The following LRRC34 variants were observed in gnomAD, a reference collection of about 807,000 sequenced individuals.
The protein encoded by LRRC34 is leucine-rich repeat-containing protein 34.
Under a neutral mutation model 48.5 loss-of-function variants are expected in LRRC34, and 44 were observed. The observed-to-expected ratio is 0.91, with a 90% CI of 0.71 to 1.17. The LOEUF (loss-of-function observed/expected upper bound fraction) is 1.17, where lower values mean the gene tolerates loss of function less well. Among genes scored for constraint, LRRC34 ranks in the 50% most tolerant of loss-of-function variants. LRRC34 has a pLI of 0.00. For missense variants in LRRC34, 502 were observed against 563.0 expected, an observed-to-expected ratio of 0.89 and a Z score of 1.10; for synonymous variants, 192 against 197.6, an observed-to-expected ratio of 0.97 and a Z score of 0.24.
At chr3:169,807,939 C>T in intron 2 of LRRC34, 2 of 478,508 alleles carry the variant, frequency 4.2e-6, no homozygotes, top group Non-Finnish European at 3.6e-6. Flanking sequence ...ATATTTAGCT[C>T]TCTCACACAC....
At position 169,807,573 on chromosome 3, in the gene LRRC34, C is replaced by T; in HGVS notation, c.379+15G>A. On this transcript the variant is annotated intron_variant, in intron 3 of 10. Transcript: ENST00000446859. ...CAATGAAAAGCAGGAGGTATTGATT[C>T]TTATGGAAACATACCATTAATATAC... 6.2e-7 allele frequency: 1 copy of T among 1,612,292 alleles called. No homozygotes were observed. Among genetic ancestry groups the T allele is most frequent in the Non-Finnish European group, 8.5e-7 (1 of 1,179,002 alleles).
intron 6 of LRRC34, 57 bp from the exon 7 acceptor site, chr3:169,800,811 A>G (rs1457174927): frequency 8.9e-7 from 1 of 1,119,154 alleles, no homozygotes; most frequent in Non-Finnish European, 1.3e-6. Flanking sequence ...ATCTCGCTAC[A>G]TAAATATTTC....
At chr3:169,795,977 T>C in intron 9 of LRRC34, 1 of 1,222,308 alleles carries the variant, frequency 8.2e-7, no homozygotes, top group Non-Finnish European at 1.0e-6. Context: ...GGATAAGTAA[T>C]ATAAGCAATG....
At chr3:169,795,443 C>A in intron 10 of LRRC34, 42 bp downstream of exon 10, 1 of 1,563,216 alleles carries the variant, frequency 6.4e-7, no homozygotes, top group Non-Finnish European at 8.7e-7. Flanking sequence ...CAGAGATGAT[C>A]CCAGAAAAAG....
Position 169,793,719 on chromosome 3 carries a change from A to T in LRRC34, c.1311T>A (p.Tyr437Ter). The T allele has an allele frequency of 2.5e-6, 4 of 1,613,820 alleles. No homozygotes were observed. Among genetic ancestry groups the T allele is most frequent in the Non-Finnish European group, 3.4e-6 (4 of 1,179,804 alleles). ...ATTCTCCATAAGTTGATGTCCAATAATAATGCTTTTTAAGGCCATTGGAGA... is the reference window on the plus strand; with the variant it reads ...ATTCTCCATAAGTTGATGTCCAATATTAATGCTTTTTAAGGCCATTGGAGA... ...AEVSNGLKKH[Y>*]YWTSTYGESY... The change falls in exon 11 of 11, where the codon TAT becomes TAA. Residue 437 changes from tyrosine to a stop codon, truncating the protein, a stop_gained. Coordinates refer to ENST00000446859, the MANE Select transcript of LRRC34 (RefSeq NM_001172779.2). LOFTEE classifies it low-confidence loss of function (END_TRUNC).
intron 10 of LRRC34, chr3:169,794,586 T>C (rs964285886): frequency 6.6e-6 from 1 of 152,176 alleles, no homozygotes; most frequent in Non-Finnish European, 1.5e-5. Flanking sequence ...CAGCTAATTT[T>C]TGTACTTTTA....
chr3:169,800,252 G>C (rs1049909000), intron 7 of LRRC34, among the ~76,000 whole-genome samples: 1 of 152,030 alleles, frequency 6.6e-6, no homozygotes, highest in Non-Finnish European at 1.5e-5. Flanking sequence ...TACACATTTT[G>C]CTTTTATTAC....
At chr3:169,809,863 C>T (rs1352020208) in intron 1 of LRRC34, among the ~76,000 whole-genome samples, 1 of 152,002 alleles carries the variant, frequency 6.6e-6, no homozygotes, top group Admixed American at 6.6e-5. Context: ...AGGAACATTA[C>T]ATTTCAGATG....
chr3:169,807,248 C>G (rs1380209718), intron 4 of LRRC34, among the ~76,000 whole-genome samples, 178 bp downstream of exon 4: 2 of 152,118 alleles, frequency 1.3e-5, no homozygotes, highest in East Asian at 3.9e-4. Context: ...AACTTAGGAG[C>G]TCTAGCTACT....
intron 7 of LRRC34, among the ~76,000 whole-genome samples, chr3:169,798,072 G>A (rs141705802): frequency 2.0e-4 from 30 of 152,218 alleles, no homozygotes; most frequent in Non-Finnish European, 3.4e-4. Context: ...AAAAATGCAC[G>A]CCAACCATGC....
chr3:169,805,820 G>T (rs1779350140), intron 5 of LRRC34, among the ~76,000 whole-genome samples: 2 of 148,206 alleles, frequency 1.3e-5, no homozygotes, highest in South Asian at 4.3e-4. Flanking sequence ...GGAGGTGGAG[G>T]TTGTGGTGAG....
At chr3:169,798,535 T>C (rs1164878267) in intron 7 of LRRC34, among the ~76,000 whole-genome samples, 2 of 152,070 alleles carry the variant, frequency 1.3e-5, no homozygotes, top group Non-Finnish European at 2.9e-5. Context: ...ATAGAGAAGG[T>C]AGTGGCTGTC....
chr3:169,802,892 G>A (rs951835961), intron 6 of LRRC34, among the ~76,000 whole-genome samples: 3 of 151,900 alleles, frequency 2.0e-5, no homozygotes, highest in African/African-American at 7.3e-5. Context: ...CAGGAGAATT[G>A]TTTGAACCCG....
intron 5 of LRRC34, 21 bp downstream of exon 5, chr3:169,806,827 T>C (rs1162843756): frequency 1.3e-6 from 2 of 1,498,868 alleles, no homozygotes; most frequent in Non-Finnish European, 1.8e-6. Context: ...CAATGTTAGT[T>C]TGAAATACAT....
At chr3:169,800,577 C>A (rs932436362) in intron 7 of LRRC34, 82 bp downstream of exon 7, 1 of 770,180 alleles carries the variant, frequency 1.3e-6, no homozygotes, top group Non-Finnish European at 2.1e-6. Flanking sequence ...ACAGTGTATT[C>A]ATGTACCTTG....
chr3:169,796,747 G>C lies in LRRC34; in HGVS notation c.906C>G (p.Ser302Arg), dbSNP rs781092428. The C allele has an allele frequency of 3.1e-6, 5 of 1,604,642 alleles. No individual in the cohort carries two copies. The East Asian group carries it at 1.1e-4, about 36-fold the overall frequency. ...TTAATGTGTAAATTATCACTTACCA[G>C]CTGACATCAAGGTAGCGCAGGCTAC... ...LNSSLRYLDV[S>R]CNKITHDGMV... Residue 302 changes from serine (S) to arginine (R), a missense_variant and splice_region_variant, in exon 8 of 11, where the codon AGC (serine) becomes AGG (arginine). Coordinates refer to ENST00000446859, the MANE Select transcript of LRRC34 (RefSeq NM_001172779.2).
At chr3:169,808,851 T>G (rs1388927358) in intron 1 of LRRC34, 106 bp from the exon 2 acceptor site, 1 of 642,180 alleles carries the variant, frequency 1.6e-6, no homozygotes, top group East Asian at 2.9e-5. Context: ...GTGTGTATAG[T>G]GGGGGTAGGG....
intron 1 of LRRC34, among the ~76,000 whole-genome samples, chr3:169,810,311 G>A (rs1779517990): frequency 6.6e-6 from 1 of 151,916 alleles, no homozygotes. Context: ...CACAATTGAG[G>A]TCTAGGCATA....
At chr3:169,797,034 T>C in intron 7 of LRRC34, 135 bp from the exon 8 acceptor site, 1 of 593,474 alleles carries the variant, frequency 1.7e-6, no homozygotes, top group Non-Finnish European at 2.6e-6. Context: ...CAATTTGCAT[T>C]TGTTTGGTCT....
Sources: gnomAD v4.1 joint callset for allele counts (sites outside exome capture counted in the v4.1 genomes callset) on GRCh38, gnomAD v4.1.1 for gene constraint, MANE v1.5 for transcripts, NCBI Gene and HGNC (gene_info 2026-07-23, HGNC 2026-07-21) for gene names.